The following NRG1 variants were observed in gnomAD, a reference collection of about 807,000 sequenced individuals.
The protein encoded by NRG1 is pro-neuregulin-1, membrane-bound isoform.
NRG1 carries 18 observed loss-of-function variants against 63.8 expected under a neutral mutation model. That is an observed-to-expected ratio of 0.28 (90% CI 0.19 to 0.42). The LOEUF is 0.42. Ranked by LOEUF, NRG1 falls within the 10% of genes least tolerant of loss-of-function variation. NRG1 has a pLI of 1.00. For synonymous variants in NRG1, 302 were observed against 301.3 expected (o/e 1.00, Z -0.02); for missense variants, 762 against 814.7 (o/e 0.94, Z 0.79).
chr8:32,771,715 A>AAAAATATATATATAT (rs1343943621), downstream of NRG1, among the ~76,000 whole-genome samples: 2 of 111,848 alleles, frequency 1.8e-5, no homozygotes, highest in African/African-American at 6.9e-5. Flanking sequence ...TTAAAAAAAA[A>AAAAATATATATATAT]ATATATATAT....
intron 1 of NRG1, among the ~76,000 whole-genome samples, chr8:32,151,124 T>A (rs934866385): frequency 3.3e-5 from 5 of 151,810 alleles, no homozygotes; most frequent in African/African-American, 1.2e-4. Flanking sequence ...TGGTAAAAAA[T>A]AAAAAATTAG....
intron 5 of NRG1, among the ~76,000 whole-genome samples, chr8:32,715,617 G>A (rs1564012986): frequency 6.9e-6 from 1 of 145,732 alleles, no homozygotes; most frequent in Non-Finnish European, 1.5e-5. Context: ...TTTCTTAAGG[G>A]AAAAGCCATG....
chr8:32,567,999 T>A (rs1588369226), intron 1 of NRG1, among the ~76,000 whole-genome samples: 1 of 152,282 alleles, frequency 6.6e-6, no homozygotes, highest in South Asian at 2.1e-4. Context: ...AGGTCAAGGG[T>A]GAGATTTAGC....
chr8:32,324,305 C>G (rs1465273182), intron 1 of NRG1, among the ~76,000 whole-genome samples: 1 of 152,160 alleles, frequency 6.6e-6, no homozygotes, highest in African/African-American at 2.4e-5. Context: ...GGGGTATCTC[C>G]AAATCGTGCA....
intron 1 of NRG1, among the ~76,000 whole-genome samples, chr8:31,858,151 T>A (rs1265153663): frequency 1.3e-5 from 2 of 151,838 alleles, no homozygotes; most frequent in African/African-American, 4.8e-5. Flanking sequence ...TATAAAAAAT[T>A]AGTCGGGCAT....
intron 1 of NRG1, among the ~76,000 whole-genome samples, chr8:32,263,429 G>T (rs2129471790): frequency 6.6e-6 from 1 of 152,284 alleles, no homozygotes; most frequent in East Asian, 1.9e-4. Context: ...CTGGGAGAAT[G>T]TAGAAGTAGG....
At chr8:31,884,610 A>C (rs749099202) in intron 1 of NRG1, among the ~76,000 whole-genome samples, 34 of 152,142 alleles carry the variant, frequency 2.2e-4, no homozygotes, top group Non-Finnish European at 4.4e-4. Context: ...TTTATGTAAA[A>C]AAATGAAGCC....
chr8:31,719,383 G>A (rs1490945644), intron 1 of NRG1, among the ~76,000 whole-genome samples: 2 of 152,154 alleles, frequency 1.3e-5, no homozygotes, highest in Non-Finnish European at 1.5e-5. Context: ...AGTATAGAAG[G>A]TAACTGCTAA....
At chr8:32,114,208 T>C (rs1316904492) in intron 1 of NRG1, among the ~76,000 whole-genome samples, 3 of 152,228 alleles carry the variant, frequency 2.0e-5, no homozygotes, top group Non-Finnish European at 2.9e-5. Flanking sequence ...AAAGAAACAG[T>C]TTTAAAATAA....
chr8:32,663,822 C>A (rs914813968), intron 5 of NRG1, among the ~76,000 whole-genome samples: 1 of 152,102 alleles, frequency 6.6e-6, no homozygotes, highest in East Asian at 1.9e-4. Context: ...CAGTTCAGCC[C>A]GTGCCTGCAG....
intron 1 of NRG1, among the ~76,000 whole-genome samples, chr8:31,968,714 A>G (rs1017618554): frequency 7.2e-5 from 11 of 152,062 alleles, no homozygotes; most frequent in African/African-American, 2.7e-4. Context: ...AAGAATCCAC[A>G]TTCTATTTCT....
intron 2 of NRG1, among the ~76,000 whole-genome samples, chr8:32,600,325 G>GAC (rs5890665): frequency 0.053 from 7,900 of 149,522 alleles, 503 homozygotes; most frequent in African/African-American, 0.15. Flanking sequence ...AGCAGTGTTG[G>GAC]ACACACACAC....
At chr8:32,649,922 A>G (rs566410278) in intron 5 of NRG1, among the ~76,000 whole-genome samples, 2 of 152,338 alleles carry the variant, frequency 1.3e-5, no homozygotes, top group Non-Finnish European at 2.9e-5. Flanking sequence ...TCCTGCAAAA[A>G]GAAGCGAAAT....
intron 5 of NRG1, among the ~76,000 whole-genome samples, chr8:32,650,125 T>C (rs935194459): frequency 2.0e-5 from 3 of 152,190 alleles, no homozygotes; most frequent in African/African-American, 7.2e-5. Flanking sequence ...TCTAAGACCA[T>C]GTCAGAAAGT....
At chr8:31,932,741 T>C (rs1276437688) in intron 1 of NRG1, among the ~76,000 whole-genome samples, 6 of 152,214 alleles carry the variant, frequency 3.9e-5, no homozygotes, top group Non-Finnish European at 5.9e-5. Flanking sequence ...GGTGAGATCA[T>C]GCTAGGCTCT....
intron 1 of NRG1, among the ~76,000 whole-genome samples, chr8:31,768,240 T>G (rs1178022293): frequency 1.3e-5 from 2 of 152,240 alleles, no homozygotes; most frequent in African/African-American, 4.8e-5. Flanking sequence ...ATAATGACTT[T>G]AGACAGCTGA....
chr8:31,739,157 T>G (rs1191494325), intron 1 of NRG1, among the ~76,000 whole-genome samples: 1 of 152,074 alleles, frequency 6.6e-6, no homozygotes, highest in African/African-American at 2.4e-5. Flanking sequence ...TGAAATTACC[T>G]TTACCCTTTC....
At chr8:32,167,983 G>A (rs1415838253) in intron 1 of NRG1, among the ~76,000 whole-genome samples, 1 of 152,114 alleles carries the variant, frequency 6.6e-6, no homozygotes, top group African/African-American at 2.4e-5. Context: ...CATGCATTTT[G>A]ATATACTTTG....
intron 1 of NRG1, among the ~76,000 whole-genome samples, chr8:32,458,892 G>A (rs1447469509): frequency 2.0e-5 from 3 of 152,092 alleles, no homozygotes; most frequent in Non-Finnish European, 2.9e-5. Flanking sequence ...CTTCCTCCTG[G>A]CTTTCTATCT....
Sources: gnomAD v4.1 joint callset for allele counts (sites outside exome capture counted in the v4.1 genomes callset) on GRCh38, gnomAD v4.1.1 for gene constraint, MANE v1.5 for transcripts, NCBI Gene and HGNC (gene_info 2026-07-23, HGNC 2026-07-21) for gene names.